Variants in TIGIT observed in about 807,000 individuals in gnomAD.
TIGIT encodes T-cell immunoreceptor with Ig and ITIM domains.
In TIGIT, 11 loss-of-function variants were observed where a neutral mutation model predicts 19.6. That is an observed-to-expected ratio of 0.56 (90% CI 0.35 to 0.93). The LOEUF (loss-of-function observed/expected upper bound fraction) is 0.93, where lower values mean the gene tolerates loss of function less well. TIGIT is among the 40% of genes least tolerant of loss of function. The pLI is 0.01. For missense variants in TIGIT, 295 were observed against 303.9 expected, an observed-to-expected ratio of 0.97 and a Z score of 0.22; for synonymous variants, 130 against 125.5, an observed-to-expected ratio of 1.04 and a Z score of -0.24.
chr3:114,298,604 T>C (rs1219307529), intron 2 of TIGIT, among the ~76,000 whole-genome samples: 2 of 152,214 alleles, frequency 1.3e-5, no homozygotes, highest in Non-Finnish European at 2.9e-5. Flanking sequence ...CAGAGCTAAC[T>C]GTATGGCTAT....
intron 3 of TIGIT, among the ~76,000 whole-genome samples, chr3:114,304,691 A>AT (rs1442416302): frequency 6.6e-6 from 1 of 152,140 alleles, no homozygotes; most frequent in African/African-American, 2.4e-5. Context: ...ATGGGCTGAG[A>AT]TTTTATCCTA....
In TIGIT at chr3:114,295,700, T is replaced by C. The variant is rs757591394; in HGVS notation, c.217T>C (p.Leu73=). 1.9e-6 allele frequency: 3 copies of C among 1,614,084 alleles called. No individual in the cohort carries two copies. The highest frequency in any genetic ancestry group is 1.7e-5 in the Admixed American group (1 of 60,008). Residue 73 remains leucine, a synonymous_variant, in exon 2 of 4, where the codon TTG becomes CTG. Coordinates refer to ENST00000383671, the MANE Select transcript of TIGIT (RefSeq NM_173799.4). ...GCTTCTGGCCATTTGTAATGCTGAC[T>C]TGGGGTGGCACATCTCCCCATCCTT... is the stretch of plus-strand genomic sequence containing the variant. The part of the protein sequence containing the change: ...DQLLAICNAD[L]GWHISPSFKD...
At chr3:114,294,243 A>G (rs1467907506) in intron 1 of TIGIT, 121 bp downstream of exon 1, 1 of 734,690 alleles carries the variant, frequency 1.4e-6, no homozygotes. Flanking sequence ...AGAGAAAGAA[A>G]TTGCAACTTT....
intron 2 of TIGIT, among the ~76,000 whole-genome samples, chr3:114,296,951 A>G (rs997169744): frequency 3.5e-5 from 5 of 142,740 alleles, no homozygotes; most frequent in African/African-American, 1.3e-4. Flanking sequence ...CTGGAGTGCA[A>G]TGGCGCAATC....
intron 3 of TIGIT, among the ~76,000 whole-genome samples, chr3:114,305,866 A>G (rs1472483302): frequency 3.5e-5 from 4 of 115,868 alleles, no homozygotes; most frequent in Admixed American, 8.4e-5. Context: ...GGATGGATGG[A>G]TAGATAGATA....
At chr3:114,299,514 C>A in intron 2 of TIGIT, 83 bp from the exon 3 acceptor site, 1 of 1,061,008 alleles carries the variant, frequency 9.4e-7, no homozygotes, top group Non-Finnish European at 1.5e-6. Flanking sequence ...CCTCCCCTCT[C>A]TGCCGTGAAG....
At chr3:114,305,825 GA>G in intron 3 of TIGIT, among the ~76,000 whole-genome samples, 2 of 150,980 alleles carry the variant, frequency 1.3e-5, no homozygotes, top group African/African-American at 4.9e-5. Flanking sequence ...TGGATGGATG[GA>G]TGGTTGGATG....
intron 2 of TIGIT, among the ~76,000 whole-genome samples, chr3:114,297,997 T>C (rs1033059566): frequency 9.2e-5 from 14 of 152,236 alleles, no homozygotes; most frequent in Admixed American, 9.2e-4. Context: ...TGGCTTCTTT[T>C]TGAACCTAAT....
At chr3:114,306,975 G>A (rs915164220) in intron 3 of TIGIT, among the ~76,000 whole-genome samples, 1 of 152,208 alleles carries the variant, frequency 6.6e-6, no homozygotes, top group African/African-American at 2.4e-5. Flanking sequence ...AAGTAAGAGG[G>A]AGTCCAGAGA....
intron 1 of TIGIT, 88 bp from the exon 2 acceptor site, chr3:114,295,457 G>A: frequency 1.0e-6 from 1 of 976,460 alleles, no homozygotes; most frequent in South Asian, 1.6e-5. Context: ...AATCCAGTTG[G>A]GGCCTCAAAG....
Position 114,308,660 on chromosome 3 carries a change from T to TG in TIGIT, c.*533dup, listed in dbSNP as rs2078551758. On this transcript the variant is annotated 3_prime_UTR_variant, in exon 4 of 4. Transcript: ENST00000383671. ...CTGCCCTCAAGAACTTACAGTTAAA[T>TG]GGGGAGACAATGTTGTCATGAAAAG... 6.5e-6 allele frequency: 1 copy of TG among 153,170 alleles called. No individual in the cohort carries two copies. Among genetic ancestry groups the TG allele is most frequent in the Non-Finnish European group, 1.5e-5 (1 of 68,846 alleles). 9.5% of individuals were successfully genotyped at this position (153,170 alleles called of 1,614,324 possible).
chr3:114,297,985 C>G (rs906286144), intron 2 of TIGIT, among the ~76,000 whole-genome samples: 2 of 152,230 alleles, frequency 1.3e-5, no homozygotes, highest in Non-Finnish European at 2.9e-5. Flanking sequence ...TAGCACAAAC[C>G]CTGGCTTCTT....
chr3:114,301,626 C>G (rs1467399179), intron 3 of TIGIT, among the ~76,000 whole-genome samples: 1 of 152,166 alleles, frequency 6.6e-6, no homozygotes, highest in African/African-American at 2.4e-5. Context: ...GTTAAGGATT[C>G]AAGACTGGTT....
chr3:114,297,283 CT>C (rs574376513), intron 2 of TIGIT, among the ~76,000 whole-genome samples: 2 of 152,076 alleles, frequency 1.3e-5, no homozygotes, highest in Admixed American at 6.6e-5. Context: ...AAATTATGTA[CT>C]TTTTTTCTCA....
intron 3 of TIGIT, among the ~76,000 whole-genome samples, chr3:114,301,586 C>T (rs1300852887): frequency 6.6e-6 from 1 of 152,192 alleles, no homozygotes; most frequent in African/African-American, 2.4e-5. Flanking sequence ...GAATCAAAGG[C>T]TCTTTAGAAG....
At chr3:114,298,558 TATGACCC>T (rs576631721) in intron 2 of TIGIT, among the ~76,000 whole-genome samples, 66 of 152,346 alleles carry the variant, frequency 4.3e-4, no homozygotes, top group African/African-American at 1.6e-3. Flanking sequence ...GTGTGTTCTC[TATGACCC>T]CTGTGCTTTC....
chr3:114,303,530 TATATATATAC>T (rs1560033484), intron 3 of TIGIT, among the ~76,000 whole-genome samples: 3 of 5,758 alleles, frequency 5.2e-4, no homozygotes, highest in Non-Finnish European at 9.9e-4. Context: ...CATATATATG[TATATATATAC>T]ACATATATAT....
At chr3:114,300,645 A>G (rs1022107818) in intron 3 of TIGIT, among the ~76,000 whole-genome samples, 4 of 152,302 alleles carry the variant, frequency 2.6e-5, no homozygotes, top group African/African-American at 9.6e-5. Context: ...AAAGAAAAGA[A>G]GTTTATTTGG....
rs1412643147 is a variant in TIGIT, at chr3:114,310,116, T to TG, written c.*1989dup. ...ACATGTGGCCATCAACCACTTAAGA[T>TG]GGGGTTAGTTTAAATCAAGATGTGC... On this transcript the variant is annotated 3_prime_UTR_variant, in exon 4 of 4. Transcript: ENST00000383671. 9 of 152,138 alleles carry TG rather than the reference T, an allele frequency of 5.9e-5. No homozygotes were observed. The highest frequency in any genetic ancestry group is 1.0e-4 in the Non-Finnish European group (7 of 68,018). 9.4% of individuals were successfully genotyped at this position (152,138 alleles called of 1,614,324 possible). A position where few individuals can be genotyped will look rare whatever the true frequency, so the allele number is the denominator to read the frequency against.
Sources: gnomAD v4.1 joint callset for allele counts (sites outside exome capture counted in the v4.1 genomes callset) on GRCh38, gnomAD v4.1.1 for gene constraint, MANE v1.5 for transcripts, NCBI Gene and HGNC (gene_info 2026-07-23, HGNC 2026-07-21) for gene names.